NRG3: variants seen among roughly 807,000 people sequenced by gnomAD.
NRG3 encodes the protein neuregulin 3, also known as pro-neuregulin-3, membrane-bound isoform.
In NRG3, 31 loss-of-function variants were observed where a neutral mutation model predicts 66.9. That is an observed-to-expected ratio of 0.46 (90% CI 0.35 to 0.63). NRG3 has a LOEUF of 0.63. Among genes scored for constraint, NRG3 ranks in the 20% least tolerant of loss-of-function variants. The pLI, the probability that NRG3 is intolerant of heterozygous loss-of-function variation, is 0.00. For synonymous variants in NRG3, 393 were observed against 359.4 expected (o/e 1.09, Z -1.06); for missense variants, 910 against 878.9 (o/e 1.04, Z -0.45).
intron 1 of NRG3, among the ~76,000 whole-genome samples, chr10:82,178,926 G>T (rs2073225934): frequency 6.6e-6 from 1 of 151,826 alleles, no homozygotes; most frequent in East Asian, 1.9e-4. Flanking sequence ...TAAATATAAT[G>T]GCCATACCAA....
intron 2 of NRG3, among the ~76,000 whole-genome samples, chr10:82,468,114 T>C (rs1840863926): frequency 6.6e-6 from 1 of 152,160 alleles, no homozygotes; most frequent in East Asian, 1.9e-4. Context: ...GATAAGAAAC[T>C]GAGTTAAATA....
intron 3 of NRG3, among the ~76,000 whole-genome samples, chr10:82,814,288 G>T (rs930203845): frequency 2.6e-5 from 4 of 152,124 alleles, no homozygotes; most frequent in Non-Finnish European, 2.9e-5. Context: ...GACTACTGTG[G>T]ATTCTAATTA....
chr10:82,216,460 ATGTG>A (rs141417032), intron 1 of NRG3, among the ~76,000 whole-genome samples: 65 of 146,408 alleles, frequency 4.4e-4, no homozygotes, highest in African/African-American at 1.1e-3. Context: ...TTTTATATAT[ATGTG>A]TGTGTGTGTG....
At chr10:81,886,444 GCTT>G (rs1435608377) in intron 1 of NRG3, among the ~76,000 whole-genome samples, 2 of 152,090 alleles carry the variant, frequency 1.3e-5, no homozygotes, top group South Asian at 2.1e-4. Flanking sequence ...TAAAAAAAGT[GCTT>G]CTTCTACTTG....
chr10:81,963,843 C>G (rs892951524), intron 1 of NRG3, among the ~76,000 whole-genome samples: 4 of 152,140 alleles, frequency 2.6e-5, no homozygotes, highest in African/African-American at 9.7e-5. Flanking sequence ...TATTTTTGTT[C>G]CCTCAGTGGG....
At position 81,962,672 on chromosome 10, in the gene NRG3, C is replaced by T. The variant is rs561725070; in HGVS notation, c.823+86509C>T. 1.4e-3 allele frequency among the ~76,000 whole-genome samples: 207 copies of T among 152,226 alleles called. 1 individual carries two copies. The highest frequency in any genetic ancestry group is 0.011 in the South Asian group (55 of 4,822). ...CTCATGAGTTTGCAGGTAAGAAATG[C>T]AGGGAAAGCTTGGCTAGCGGAGTAG... On this transcript the variant is annotated intron_variant, in intron 1 of 8. Coordinates refer to ENST00000372141, the MANE Select transcript of NRG3 (RefSeq NM_001010848.4).
At chr10:82,766,902 A>G (rs1235563589) in intron 3 of NRG3, among the ~76,000 whole-genome samples, 2 of 151,256 alleles carry the variant, frequency 1.3e-5, no homozygotes, top group Non-Finnish European at 2.9e-5. Flanking sequence ...TAGCGTCACC[A>G]TAAATATATT....
chr10:81,888,656 A>C (rs1463646634), intron 1 of NRG3, among the ~76,000 whole-genome samples: 1 of 152,114 alleles, frequency 6.6e-6, no homozygotes, highest in Non-Finnish European at 1.5e-5. Context: ...AGAAGTTTGC[A>C]TGTACCCACC....
chr10:82,814,061 G>A (rs184086170), intron 3 of NRG3, among the ~76,000 whole-genome samples: 4 of 152,290 alleles, frequency 2.6e-5, no homozygotes. Context: ...GCTAATCATT[G>A]TTCACCATTA....
At chr10:82,873,267 G>T (rs1027425221) in intron 4 of NRG3, among the ~76,000 whole-genome samples, 1 of 152,142 alleles carries the variant, frequency 6.6e-6, no homozygotes, top group Non-Finnish European at 1.5e-5. Context: ...TTGTGTTTGT[G>T]AAGTTTTTGA....
chr10:82,042,536 A>G (rs1236140494), intron 1 of NRG3, among the ~76,000 whole-genome samples: 1 of 152,010 alleles, frequency 6.6e-6, no homozygotes, highest in Non-Finnish European at 1.5e-5. Context: ...TTTCCCCACT[A>G]TTTGCTACTC....
intron 1 of NRG3, among the ~76,000 whole-genome samples, chr10:82,220,851 G>C (rs549002152): frequency 9.2e-5 from 14 of 152,080 alleles, no homozygotes; most frequent in Non-Finnish European, 1.6e-4. Flanking sequence ...TTAAAAATTA[G>C]TCAGGAATGA....
chr10:82,349,560 A>G (rs1281685217), intron 1 of NRG3, among the ~76,000 whole-genome samples: 2 of 152,026 alleles, frequency 1.3e-5, no homozygotes, highest in Non-Finnish European at 2.9e-5. Flanking sequence ...CTACAGAGGC[A>G]GGCAGGCCTC....
At chr10:82,722,301 CTGCACT>C (rs2134525589) in intron 2 of NRG3, among the ~76,000 whole-genome samples, 1 of 152,214 alleles carries the variant, frequency 6.6e-6, no homozygotes, top group South Asian at 2.1e-4. Flanking sequence ...GAGACAAAAC[CTGCACT>C]TGCATCTATC....
At chr10:82,060,011 T>G (rs1232038971) in intron 1 of NRG3, among the ~76,000 whole-genome samples, 1 of 152,222 alleles carries the variant, frequency 6.6e-6, no homozygotes, top group East Asian at 1.9e-4. Context: ...TCTAAACTTC[T>G]GTTTCCTCCT....
chr10:82,376,238 T>A (rs750112316), intron 2 of NRG3, among the ~76,000 whole-genome samples: 5 of 152,176 alleles, frequency 3.3e-5, no homozygotes, highest in Non-Finnish European at 5.9e-5. Context: ...ACTGGCCAGA[T>A]TCAACATTCA....
At chr10:82,087,790 G>A (rs1037535337) in intron 1 of NRG3, among the ~76,000 whole-genome samples, 2 of 152,056 alleles carry the variant, frequency 1.3e-5, no homozygotes, top group African/African-American at 4.8e-5. Context: ...ACCTCTCAAA[G>A]GTCATGTGTA....
intron 2 of NRG3, among the ~76,000 whole-genome samples, chr10:82,444,294 G>A (rs2090599644): frequency 6.6e-6 from 1 of 152,020 alleles, no homozygotes; most frequent in Non-Finnish European, 1.5e-5. Context: ...GTAGAGACGG[G>A]GTTTCACCAT....
At chr10:82,370,816 A>G (rs1436416411) in intron 2 of NRG3, among the ~76,000 whole-genome samples, 3 of 152,168 alleles carry the variant, frequency 2.0e-5, no homozygotes, top group African/African-American at 7.2e-5. Flanking sequence ...AGCCAAAGAC[A>G]GTGTTTCCAG....
Sources: gnomAD v4.1 joint callset for allele counts (sites outside exome capture counted in the v4.1 genomes callset) on GRCh38, gnomAD v4.1.1 for gene constraint, MANE v1.5 for transcripts, NCBI Gene and HGNC (gene_info 2026-07-23, HGNC 2026-07-21) for gene names.